The following SOX5 variants were observed in gnomAD, a reference collection of about 807,000 sequenced individuals.
SOX5 encodes the protein transcription factor SOX-5.
In SOX5, 9 loss-of-function variants were observed where a neutral mutation model predicts 92.0. The ratio of observed to expected loss-of-function variants is 0.10; its 90% confidence interval spans 0.06 to 0.17. The LOEUF is 0.17. Among genes scored for constraint, SOX5 ranks in the 10% least tolerant of loss-of-function variants. SOX5 has a pLI of 1.00. For synonymous variants in SOX5, 344 were observed against 336.3 expected, an observed-to-expected ratio of 1.02 and a Z score of -0.25; for missense variants, 642 against 944.5, an observed-to-expected ratio of 0.68 and a Z score of 4.20.
intron 4 of SOX5, among the ~76,000 whole-genome samples, chr12:23,964,815 A>C (rs1947351232): frequency 1.3e-5 from 2 of 152,254 alleles, no homozygotes; most frequent in African/African-American, 4.8e-5. Context: ...TTATACAATT[A>C]AAAGTACATT....
chr12:24,304,157 G>A (rs1248581751), intron 2 of SOX5, among the ~76,000 whole-genome samples: 1 of 152,184 alleles, frequency 6.6e-6, no homozygotes, highest in Non-Finnish European at 1.5e-5. Context: ...CAAGAGTCAA[G>A]GAAGAAGGTT....
intron 12 of SOX5, among the ~76,000 whole-genome samples, chr12:23,543,781 T>C (rs1181719678): frequency 6.6e-6 from 1 of 152,190 alleles, no homozygotes; most frequent in East Asian, 1.9e-4. Flanking sequence ...GCAGAATGGA[T>C]GATTATAGGG....
At chr12:23,943,944 T>C (rs890775308) in intron 1 of SOX5, among the ~76,000 whole-genome samples, 4 of 152,106 alleles carry the variant, frequency 2.6e-5, no homozygotes, top group Admixed American at 6.6e-5. Context: ...TGTTAACAAG[T>C]TTATCAACAA....
intron 6 of SOX5, among the ~76,000 whole-genome samples, chr12:23,714,534 T>A (rs1308813202): frequency 6.6e-6 from 1 of 152,116 alleles, no homozygotes; most frequent in Admixed American, 6.5e-5. Context: ...AGGAACAGAA[T>A]CGCTTGAACC....
chr12:23,961,113 A>C (rs1946880718), intron 4 of SOX5, among the ~76,000 whole-genome samples: 2 of 152,170 alleles, frequency 1.3e-5, no homozygotes, highest in Non-Finnish European at 2.9e-5. Context: ...AGATGCCTGA[A>C]AGTTACATTT....
chr12:24,440,907 G>T (rs941081669), intron 1 of SOX5, among the ~76,000 whole-genome samples: 1 of 152,192 alleles, frequency 6.6e-6, no homozygotes, highest in Admixed American at 6.5e-5. Flanking sequence ...ATGGGATATA[G>T]GGAAATTATT....
chr12:23,845,281 T>C (rs865882363), intron 3 of SOX5, among the ~76,000 whole-genome samples: 5 of 152,366 alleles, frequency 3.3e-5, no homozygotes, highest in African/African-American at 7.2e-5. Context: ...GAGGTTTAAA[T>C]AGGAGTTAGT....
At chr12:23,808,839 G>A (rs1236103589) in intron 3 of SOX5, among the ~76,000 whole-genome samples, 4 of 152,106 alleles carry the variant, frequency 2.6e-5, no homozygotes, top group African/African-American at 9.7e-5. Flanking sequence ...ATATGTGTGA[G>A]AATATTCATA....
intron 9 of SOX5, among the ~76,000 whole-genome samples, chr12:23,595,351 G>A (rs535500860): frequency 1.3e-5 from 2 of 152,156 alleles, no homozygotes; most frequent in Admixed American, 6.5e-5. Flanking sequence ...GGCCGGACAC[G>A]GTGGCTCACG....
chr12:23,958,981 T>C (rs1946587992), intron 4 of SOX5, among the ~76,000 whole-genome samples: 1 of 151,790 alleles, frequency 6.6e-6, no homozygotes, highest in Admixed American at 6.6e-5. Context: ...AGACAAAATA[T>C]CTATGATGAA....
intron 4 of SOX5, among the ~76,000 whole-genome samples, chr12:24,121,952 C>T (rs1026922056): frequency 2.0e-5 from 3 of 147,842 alleles, no homozygotes; most frequent in African/African-American, 7.5e-5. Flanking sequence ...CTGGTAGTGG[C>T]AGACCATTAC....
chr12:23,976,819 T>TG lies in SOX5; in HGVS notation c.-1-80796_-1-80795insC, dbSNP rs996020521. On this transcript the variant is annotated intron_variant, in intron 4 of 4. Transcript: ENST00000446891. Reference sequence around the variant, plus strand: ...ACTTGTTTTTTTCTGTTGTTGTTGTTTTTTTTTTTAAAACAAAAACAAAAA... The same window carrying TG: ...ACTTGTTTTTTTCTGTTGTTGTTGTTGTTTTTTTTTAAAACAAAAACAAAAA... Among the ~76,000 whole-genome samples the TG allele has an allele frequency of 6.6e-5, 10 of 150,758 alleles. No homozygotes were observed. In the South Asian group the frequency reaches 1.1e-3, roughly 16 times the overall value.
intron 1 of SOX5, among the ~76,000 whole-genome samples, chr12:23,942,134 G>C (rs7979826): frequency 0.011 from 1,743 of 151,804 alleles, 54 homozygotes; most frequent in African/African-American, 0.039. Flanking sequence ...AATTAACTGT[G>C]ACTGAAAAAT....
chr12:23,907,669 G>A (rs114760771), intron 1 of SOX5, among the ~76,000 whole-genome samples: 2,046 of 151,654 alleles, frequency 0.013, 50 homozygotes, highest in African/African-American at 0.047. Flanking sequence ...AAAACAGCTC[G>A]CCATATTCAC....
In SOX5 at chr12:23,974,812, CA is replaced by C. The variant is rs1457376691; in HGVS notation, c.-1-78789del. Among the ~76,000 whole-genome samples the C allele has an allele frequency of 3.3e-5, 5 of 150,472 alleles. No homozygotes were observed. The South Asian group carries it at 8.4e-4, about 25-fold the overall frequency. Reference sequence around the variant, plus strand: ...GATATGAAAATTAAGGAAAACTGGTCAAAAAAAGTGGGGAGAATTAGAATAA... The same window carrying C: ...GATATGAAAATTAAGGAAAACTGGTCAAAAAAGTGGGGAGAATTAGAATAA... On this transcript the variant is annotated intron_variant, in intron 4 of 4. Transcript: ENST00000446891.
chr12:23,684,573 C>G (rs1163474408), intron 6 of SOX5, among the ~76,000 whole-genome samples: 1 of 152,024 alleles, frequency 6.6e-6, no homozygotes, highest in Non-Finnish European at 1.5e-5. Context: ...CATTTCCATA[C>G]TTTTTAAAGA....
At chr12:23,628,349 T>C (rs963137583) in intron 8 of SOX5, among the ~76,000 whole-genome samples, 7 of 152,092 alleles carry the variant, frequency 4.6e-5, no homozygotes, top group African/African-American at 1.4e-4. Flanking sequence ...TTGTCTCTGT[T>C]ACCTTAAGCA....
At chr12:23,887,971 G>A (rs1285629586) in intron 2 of SOX5, among the ~76,000 whole-genome samples, 1 of 146,498 alleles carries the variant, frequency 6.8e-6, no homozygotes, top group East Asian at 2.1e-4. Context: ...TAGATGTCAA[G>A]TAGTTATTTT....
chr12:23,741,144 A>G, intron 4 of SOX5, 105 bp from the exon 5 acceptor site: 1 of 749,598 alleles, frequency 1.3e-6, no homozygotes, highest in Non-Finnish European at 1.9e-6. Flanking sequence ...TATAAAGTTC[A>G]ATAAACACAA....
Sources: gnomAD v4.1 joint callset for allele counts (sites outside exome capture counted in the v4.1 genomes callset) on GRCh38, gnomAD v4.1.1 for gene constraint, MANE v1.5 for transcripts, NCBI Gene and HGNC (gene_info 2026-07-23, HGNC 2026-07-21) for gene names.